Variants in SUMF1 observed in about 807,000 individuals in gnomAD.
The protein encoded by SUMF1 is sulfatase modifying factor 1, also known as formylglycine-generating enzyme.
Under a neutral mutation model 47.6 loss-of-function variants are expected in SUMF1, and 48 were observed. That is an observed-to-expected ratio of 1.01 (90% CI 0.80 to 1.28). The LOEUF (loss-of-function observed/expected upper bound fraction) is 1.28, where lower values mean the gene tolerates loss of function less well. Ranked by LOEUF, SUMF1 falls within the 50% of genes most tolerant of loss-of-function variation. The pLI is 0.00. For missense variants in SUMF1, 571 were observed against 485.4 expected, an observed-to-expected ratio of 1.18 and a Z score of -1.66; for synonymous variants, 230 against 192.1, an observed-to-expected ratio of 1.20 and a Z score of -1.63.
At chr3:4,293,257 T>C (rs1429213279) in intron 8 of SUMF1, among the ~76,000 whole-genome samples, 2 of 152,148 alleles carry the variant, frequency 1.3e-5, no homozygotes, top group Non-Finnish European at 1.5e-5. Flanking sequence ...CTAATCCTAA[T>C]GATTAGATTA....
intron 8 of SUMF1, among the ~76,000 whole-genome samples, chr3:4,229,662 A>T (rs75057293): frequency 0.027 from 4,154 of 152,230 alleles, 181 homozygotes; most frequent in African/African-American, 0.094. Flanking sequence ...CAAGAAAATA[A>T]GAAGTCTGAA....
intron 8 of SUMF1, chr3:4,316,444 G>A (rs1698650260): frequency 6.2e-7 from 1 of 1,600,446 alleles, no homozygotes; most frequent in South Asian, 1.1e-5. Flanking sequence ...GACCAGTTGA[G>A]AGCAATCATC....
At chr3:4,459,528 G>A (rs1305590843) in intron 1 of SUMF1, among the ~76,000 whole-genome samples, 5 of 152,146 alleles carry the variant, frequency 3.3e-5, no homozygotes, top group Non-Finnish European at 2.9e-5. Flanking sequence ...TTTCCTTGCT[G>A]GTGGCTGCTT....
intron 8 of SUMF1, among the ~76,000 whole-genome samples, chr3:4,107,137 G>C (rs575286750): frequency 5.9e-5 from 9 of 152,166 alleles, no homozygotes; most frequent in South Asian, 4.2e-4. Context: ...GCAGAAGCTA[G>C]TGTCTCTGGT....
At chr3:4,038,944 TACTA>T (rs758097245) in intron 9 of SUMF1, among the ~76,000 whole-genome samples, 8 of 152,282 alleles carry the variant, frequency 5.3e-5, no homozygotes, top group Admixed American at 6.5e-5. Context: ...CAGATTAATT[TACTA>T]ACTCACAATT....
chr3:4,338,508 G>A (rs775014508), intron 8 of SUMF1, among the ~76,000 whole-genome samples: 46 of 152,108 alleles, frequency 3.0e-4, no homozygotes, highest in Non-Finnish European at 5.7e-4. Flanking sequence ...ACAAACGTTT[G>A]TCAAGAATCT....
intron 8 of SUMF1, among the ~76,000 whole-genome samples, chr3:4,234,268 A>G (rs562741978): frequency 1.3e-5 from 2 of 151,958 alleles, no homozygotes; most frequent in East Asian, 3.9e-4. Context: ...TTTATATTTT[A>G]TAGAAATAAA....
intron 9 of SUMF1, among the ~76,000 whole-genome samples, chr3:4,057,255 G>A (rs1453567994): frequency 2.6e-5 from 4 of 152,132 alleles, no homozygotes; most frequent in African/African-American, 9.7e-5. Flanking sequence ...AAATGAGCAA[G>A]GAGTCTGATG....
chr3:4,392,739 C>CTGTTT (rs983257446), intron 7 of SUMF1, among the ~76,000 whole-genome samples: 12 of 151,178 alleles, frequency 7.9e-5, no homozygotes, highest in Admixed American at 2.6e-4. Flanking sequence ...GGTTTTTGTT[C>CTGTTT]TGTTTTGTTT....
At chr3:4,113,312 T>G (rs1334055874) in intron 8 of SUMF1, among the ~76,000 whole-genome samples, 1 of 152,072 alleles carries the variant, frequency 6.6e-6, no homozygotes, top group Non-Finnish European at 1.5e-5. Flanking sequence ...GAGGATTGCT[T>G]GAGGCCAGGA....
intron 8 of SUMF1, among the ~76,000 whole-genome samples, chr3:4,078,773 T>A (rs758733445): frequency 7.9e-5 from 12 of 151,882 alleles, no homozygotes; most frequent in Admixed American, 2.0e-4. Flanking sequence ...GTTTTAAAAA[T>A]CCATACAACA....
chr3:4,449,078 A>T (rs1702879407), intron 3 of SUMF1, among the ~76,000 whole-genome samples, 188 bp downstream of exon 3: 1 of 152,202 alleles, frequency 6.6e-6, no homozygotes, highest in South Asian at 2.1e-4. Context: ...CTCAGATACC[A>T]TCTTGTCCCA....
Position 4,044,206 on chromosome 3 carries a change from C to A in SUMF1, c.1191+24363G>T, listed in dbSNP as rs1574842270. The stretch of plus-strand genomic sequence containing the variant: ...ATGCGTAACCAAAAGCACCCAAGAG[C>A]TGACATTCAGTTCAGGATTTCTGAG... On this transcript the variant is annotated intron_variant and NMD_transcript_variant, in intron 9 of 12. Transcript: ENST00000448413. Among the ~76,000 whole-genome samples, 4 of 152,164 alleles carry A rather than the reference C, an allele frequency of 2.6e-5. No homozygotes were observed. In the South Asian group the frequency reaches 8.3e-4, roughly 32 times the overall value.
intron 8 of SUMF1, among the ~76,000 whole-genome samples, chr3:4,243,230 T>C (rs1696585004): frequency 6.6e-6 from 1 of 152,194 alleles, no homozygotes; most frequent in Non-Finnish European, 1.5e-5. Context: ...GATTCATTGA[T>C]TTTCTGAAAG....
At chr3:4,278,974 G>C (rs1324356699) in intron 8 of SUMF1, among the ~76,000 whole-genome samples, 1 of 152,092 alleles carries the variant, frequency 6.6e-6, no homozygotes, top group South Asian at 2.1e-4. Flanking sequence ...TCTAGGCTTT[G>C]TAGTTTGTAT....
At chr3:4,145,848 C>A (rs961777218) in intron 8 of SUMF1, among the ~76,000 whole-genome samples, 2 of 152,116 alleles carry the variant, frequency 1.3e-5, no homozygotes, top group East Asian at 3.9e-4. Flanking sequence ...GGCTTCCCAG[C>A]CCCATTCATC....
chr3:4,088,196 C>T lies in SUMF1; in HGVS notation c.1015-19451G>A, dbSNP rs1409418728. 1.3e-5 allele frequency among the ~76,000 whole-genome samples: 2 copies of T among 152,060 alleles called. 1 individual carries two copies. The highest frequency in any genetic ancestry group is 4.8e-5 in the African/African-American group (2 of 41,372). On this transcript the variant is annotated intron_variant and NMD_transcript_variant, in intron 8 of 12. Transcript: ENST00000448413. ...ACTTCCATGATTTCCTTCCTTAAAC[C>T]TGTGCCAGACCACTCCTTCTTCCAT... is the stretch of plus-strand genomic sequence containing the variant.
chr3:4,046,821 T>C (rs1332423849), intron 9 of SUMF1, among the ~76,000 whole-genome samples: 3 of 152,172 alleles, frequency 2.0e-5, no homozygotes, highest in Non-Finnish European at 4.4e-5. Context: ...CTATATACCA[T>C]GGCAGAAGGA....
At chr3:4,086,175 C>T (rs1353034308) in intron 8 of SUMF1, among the ~76,000 whole-genome samples, 1 of 149,910 alleles carries the variant, frequency 6.7e-6, no homozygotes, top group African/African-American at 2.5e-5. Context: ...AACTAAACCA[C>T]TAAAACAATA....
Sources: gnomAD v4.1 joint callset for allele counts (sites outside exome capture counted in the v4.1 genomes callset) on GRCh38, gnomAD v4.1.1 for gene constraint, MANE v1.5 for transcripts, NCBI Gene and HGNC (gene_info 2026-07-23, HGNC 2026-07-21) for gene names.